The following CENPT variants were observed in gnomAD, a reference collection of about 807,000 sequenced individuals.
The protein encoded by CENPT is centromere protein T.
Under a neutral mutation model 59.7 loss-of-function variants are expected in CENPT, and 42 were observed. The observed-to-expected ratio is 0.70, with a 90% CI of 0.55 to 0.91. The LOEUF (loss-of-function observed/expected upper bound fraction) is 0.91. Among genes scored for constraint, CENPT ranks in the 40% least tolerant of loss-of-function variants. The pLI is 0.00. For missense variants in CENPT, 716 were observed against 713.4 expected, an observed-to-expected ratio of 1.00 and a Z score of -0.04; for synonymous variants, 295 against 289.6, an observed-to-expected ratio of 1.02 and a Z score of -0.19.
At position 67,842,931 on chromosome 16, in the gene CENPT, A is replaced by G. The variant is rs368259540; in HGVS notation, c.-492+4470T>C. On this transcript the variant is annotated intron_variant, in intron 1 of 15. Transcript: ENST00000562787. This position sits in a 1 kb window ranked among gnomAD's most constrained non-coding sequence, Gnocchi z 4.9. ...CAGCAGCAGCAGCAACAGCAGCAGCAGCAGCAGCAGCAGCAGCAGTCCTCA... is the reference window on the plus strand; with the variant it reads ...CAGCAGCAGCAGCAACAGCAGCAGCGGCAGCAGCAGCAGCAGCAGTCCTCA... 1 of 1,603,812 alleles carries G rather than the reference A, an allele frequency of 6.2e-7. No individual in the cohort carries two copies. Among genetic ancestry groups the G allele is most frequent in the South Asian group, 1.1e-5 (1 of 90,448 alleles).
At chr16:67,831,449 T>G (rs1362565341) in intron 9 of CENPT, 91 bp from the exon 10 acceptor site, 3 of 1,572,992 alleles carry the variant, frequency 1.9e-6, no homozygotes, top group Non-Finnish European at 2.6e-6. Flanking sequence ...CTCTCATCTC[T>G]TAGAACAGAT....
chr16:67,830,633 G>A, intron 10 of CENPT, 85 bp from the exon 11 acceptor site: 1 of 1,430,698 alleles, frequency 7.0e-7, no homozygotes, highest in East Asian at 2.3e-5. Flanking sequence ...AGGCCCACCG[G>A]CTGCTACTCA....
chr16:67,833,879 C>G lies in CENPT; in HGVS notation c.-20G>C, dbSNP rs770691963. ...AGCCATCGTCTCGGCCCCGGGCCCT[C>G]CTAACCGCCCAGCCAGCTGCAGGCT... is the stretch of plus-strand genomic sequence containing the variant. On this transcript the variant is annotated 5_prime_UTR_variant, in exon 4 of 16. Transcript: ENST00000562787. 2 of 1,457,932 alleles carry G rather than the reference C, an allele frequency of 1.4e-6. No homozygotes were observed. The highest frequency in any genetic ancestry group is 1.8e-6 in the Non-Finnish European group (2 of 1,102,410). 90.3% of individuals were successfully genotyped at this position (1,457,932 alleles called of 1,614,324 possible).
In CENPT at chr16:67,842,868, A is replaced by G. The variant is rs2057771920; in HGVS notation, c.-492+4533T>C. The G allele has an allele frequency of 6.2e-7, 1 of 1,604,548 alleles. No individual in the cohort carries two copies. Among genetic ancestry groups the G allele is most frequent in the South Asian group, 1.1e-5 (1 of 89,626 alleles). On this transcript the variant is annotated intron_variant, in intron 1 of 15. Coordinates refer to ENST00000562787, the MANE Select transcript of CENPT (RefSeq NM_025082.4). The surrounding 1 kb of genome is among the most constrained non-coding windows in gnomAD (Gnocchi z 4.9). ...GCCGCGGCCGCCCGCCGCAGGCAGC[A>G]GCAGCAACAGCAGCAGCAGCAGCAA... is the stretch of plus-strand genomic sequence containing the variant.
chr16:67,836,439 CTTT>C (rs568930990), intron 1 of CENPT, among the ~76,000 whole-genome samples: 3 of 135,854 alleles, frequency 2.2e-5, no homozygotes. Flanking sequence ...AAACAAACAT[CTTT>C]TTTTTTTTTT....
At chr16:67,832,206 C>A (rs777263098) in intron 6 of CENPT, 22 bp downstream of exon 6, 2 of 1,613,272 alleles carry the variant, frequency 1.2e-6, no homozygotes, top group South Asian at 2.2e-5. Flanking sequence ...TAACTCTGAC[C>A]GGCAGGCCAG....
intron 1 of CENPT, 116 bp downstream of exon 1, chr16:67,847,285 C>A (rs1401698169): frequency 6.6e-6 from 1 of 152,370 alleles, no homozygotes; most frequent in African/African-American, 2.4e-5. Flanking sequence ...TAGTCAGGAC[C>A]GTCCGGATGG....
At position 67,828,381 on chromosome 16, in the gene CENPT, C is replaced by T; in HGVS notation, c.1572G>A (p.Leu524=). The T allele has an allele frequency of 1.2e-6, 2 of 1,610,540 alleles. No homozygotes were observed. The highest frequency in any genetic ancestry group is 2.2e-5 in the South Asian group (2 of 90,852). Residue 524 remains leucine (L), a synonymous_variant, in exon 16 of 16, where the codon CTG becomes CTA. Transcript: ENST00000562787. ...DLELLMRRQG[L]VTDQVSLHVL... is the part of the protein sequence containing the mutation. ...CGTGCAGTGAGACTTGGTCAGTGACCAGGCCCTGCCTGCAGTGGAGGAAGA... is the reference window on the plus strand; with the variant it reads ...CGTGCAGTGAGACTTGGTCAGTGACTAGGCCCTGCCTGCAGTGGAGGAAGA...
At position 67,842,002 on chromosome 16, in the gene CENPT, C is replaced by G. The variant is rs924020603; in HGVS notation, c.-492+5399G>C. 6.6e-6 allele frequency: 1 copy of G among 152,282 alleles called. No homozygotes were observed. The highest frequency in any genetic ancestry group is 1.5e-5 in the Non-Finnish European group (1 of 68,068). 9.4% of individuals were successfully genotyped at this position (152,282 alleles called of 1,614,324 possible). On this transcript the variant is annotated intron_variant, in intron 1 of 15. Coordinates refer to ENST00000562787, the MANE Select transcript of CENPT (RefSeq NM_025082.4). The surrounding 1 kb of genome is among the most constrained non-coding windows in gnomAD (Gnocchi z 4.9). ...GCGCCTAGTTCAGCGCGAGGCATCA[C>G]GGGATTTGTAGTCTCCGTGGGCATA...
rs567963229 is a variant in CENPT at position 67,828,302 on chromosome 16, C to T, written c.1651G>A (p.Ala551Thr). 4.4e-6 allele frequency: 7 copies of T among 1,607,602 alleles called. No individual in the cohort carries two copies. The African/African-American group carries it at 5.3e-5, about 12-fold the overall frequency. Residue 551 changes from alanine to threonine, a missense_variant, in exon 16 of 16, where the codon GCA becomes ACA. Coordinates refer to ENST00000562787, the MANE Select transcript of CENPT (RefSeq NM_025082.4). ...LEYRQLLIPC[A>T]YSGNSVFPAQ ...GGGAAGACAGAGTTGCCACTGTATGCACAGGGGATGAGCAGCTGCCGGTAC... is the reference window on the plus strand; with the variant it reads ...GGGAAGACAGAGTTGCCACTGTATGTACAGGGGATGAGCAGCTGCCGGTAC...
At position 67,847,461 on chromosome 16, in the gene CENPT, G is replaced by C. The variant is rs2057813459; in HGVS notation, c.-552C>G. On this transcript the variant is annotated 5_prime_UTR_variant, in exon 1 of 16. Transcript: ENST00000562787. ...CCCGCTCCAGAGTCAGCATGGGTAA[G>C]GGCGCCCGCCTGCCGCAGCCGGGGC... The C allele has an allele frequency of 6.6e-6, 1 of 152,314 alleles. No individual in the cohort carries two copies. 9.4% of individuals were successfully genotyped at this position (152,314 alleles called of 1,614,324 possible).
chr16:67,828,669 C>A lies in CENPT; in HGVS notation c.1455G>T (p.Lys485Asn), dbSNP rs1424208654. ...TACCCCATGTGCCCAGGACTCACCA[C>A]TTCTCCACCATCTCAAGAGCCTTCC... The part of the protein sequence containing the change: ...MERKALEMVE[K>N]CLDKYFQHLC... Residue 485 changes from lysine to asparagine, a missense_variant and splice_region_variant, in exon 14 of 16, where the codon AAG (lysine) becomes AAT (asparagine). Coordinates refer to ENST00000562787, the MANE Select transcript of CENPT (RefSeq NM_025082.4). The A allele has an allele frequency of 6.2e-7, 1 of 1,614,216 alleles. No homozygotes were observed. Among genetic ancestry groups the A allele is most frequent in the Admixed American group, 1.7e-5 (1 of 60,024 alleles).
chr16:67,835,853 T>C (rs1007001479), intron 1 of CENPT, among the ~76,000 whole-genome samples, 195 bp from the exon 2 acceptor site: 4 of 152,122 alleles, frequency 2.6e-5, no homozygotes, highest in Non-Finnish European at 4.4e-5. Flanking sequence ...TTGTTTTTTT[T>C]TTGAGATGTT....
At chr16:67,830,267 T>C (rs2057673302) in intron 11 of CENPT, 123 bp downstream of exon 11, 2 of 1,319,708 alleles carry the variant, frequency 1.5e-6, no homozygotes, top group Non-Finnish European at 2.1e-6. Flanking sequence ...TGCTCTTGGA[T>C]GAAGGAGGCA....
In CENPT at chr16:67,843,129, T is replaced by C; in HGVS notation, c.-492+4272A>G. ...GACGTGAAGCCCATCGATCTCACAGTGCAAGTGGAGTTTGCAGCCGCAGAG... is the reference window on the plus strand; with the variant it reads ...GACGTGAAGCCCATCGATCTCACAGCGCAAGTGGAGTTTGCAGCCGCAGAG... On this transcript the variant is annotated intron_variant, in intron 1 of 15. Coordinates refer to ENST00000562787, the MANE Select transcript of CENPT (RefSeq NM_025082.4). This position sits in a 1 kb window ranked among gnomAD's most constrained non-coding sequence, Gnocchi z 5.7. The C allele has an allele frequency of 6.2e-7, 1 of 1,610,182 alleles. No homozygotes were observed. The highest frequency in any genetic ancestry group is 8.5e-7 in the Non-Finnish European group (1 of 1,179,638).
intron 1 of CENPT, among the ~76,000 whole-genome samples, chr16:67,839,541 CAG>C (rs1343828579): frequency 1.6e-4 from 25 of 152,022 alleles, no homozygotes; most frequent in Admixed American, 1.4e-3. Flanking sequence ...GCCTGGGCAA[CAG>C]AGTGAGACAT....
Position 67,842,463 on chromosome 16 carries a change from GCCGC to G in CENPT, c.-492+4934_-492+4937del, listed in dbSNP as rs2057768569. 1 of 1,070,940 alleles carries G rather than the reference GCCGC, an allele frequency of 9.3e-7. No individual in the cohort carries two copies. The highest frequency in any genetic ancestry group is 1.2e-6 in the Non-Finnish European group (1 of 841,608). 66.3% of individuals were successfully genotyped at this position (1,070,940 alleles called of 1,614,324 possible). A position where few individuals can be genotyped will look rare whatever the true frequency, so the allele number is the denominator to read the frequency against. On this transcript the variant is annotated intron_variant, in intron 1 of 15. Coordinates refer to ENST00000562787, the MANE Select transcript of CENPT (RefSeq NM_025082.4). The surrounding 1 kb of genome is among the most constrained non-coding windows in gnomAD (Gnocchi z 4.9). Reference sequence around the variant, plus strand: ...GATACCACCCAAGGCCTCGCGCGGCGCCGCCCGTCGAGGGGCGGGCGGCGGCGTA... The same window carrying G: ...GATACCACCCAAGGCCTCGCGCGGCGCCGTCGAGGGGCGGGCGGCGGCGTA...
At position 67,830,016 on chromosome 16, in the gene CENPT, C is replaced by G; in HGVS notation, c.935G>C (p.Ser312Thr). ...TTCTCCAGAGACACCACTGCTGGTG[C>G]TCAGGAAGCCCAGAGCAAAGGCATT... ...EVNAFALGFLSTSSGVSGEDE... is the reference protein window; with the variant it reads ...EVNAFALGFLTTSSGVSGEDE... Residue 312 changes from serine to threonine, a missense_variant, in exon 12 of 16, where the codon AGC becomes ACC. Coordinates refer to ENST00000562787, the MANE Select transcript of CENPT (RefSeq NM_025082.4). 1 of 1,614,250 alleles carries G rather than the reference C, an allele frequency of 6.2e-7. No individual in the cohort carries two copies. The highest frequency in any genetic ancestry group is 8.5e-7 in the Non-Finnish European group (1 of 1,180,048).
intron 1 of CENPT, among the ~76,000 whole-genome samples, chr16:67,841,017 A>ATATATATATATATATATATATG (rs2057757724): frequency 8.7e-5 from 1 of 11,434 alleles, no homozygotes; most frequent in Admixed American, 1.5e-3. Context: ...ATACATATAT[A>ATATATATATATATATATATATG]TATATATATA....
Sources: allele counts gnomAD v4.1 joint callset (sites outside exome capture counted in the v4.1 genomes callset), GRCh38; gene constraint gnomAD v4.1.1; non-coding constraint Gnocchi (gnomAD v3.1); transcripts MANE v1.5; gene names NCBI Gene and HGNC (gene_info 2026-07-23, HGNC 2026-07-21).